The following POU6F1 variants were observed in gnomAD, a reference collection of about 807,000 sequenced individuals.
POU6F1 encodes the protein POU domain, class 6, transcription factor 1.
POU6F1 carries 9 observed loss-of-function variants against 28.9 expected under a neutral mutation model. That is an observed-to-expected ratio of 0.31 (90% CI 0.19 to 0.54). The LOEUF is 0.54. Ranked by LOEUF, POU6F1 falls within the 20% of genes least tolerant of loss-of-function variation. The pLI is 0.94. For synonymous variants in POU6F1, 173 were observed against 171.1 expected (o/e 1.01, Z -0.09); for missense variants, 338 against 426.1 (o/e 0.79, Z 1.82).
intron 3 of POU6F1, among the ~76,000 whole-genome samples, chr12:51,203,914 C>T (rs999821975): frequency 1.3e-5 from 2 of 152,176 alleles, no homozygotes; most frequent in Admixed American, 6.5e-5. Context: ...CTAAGCGGAG[C>T]GCTACCAGTC....
At position 51,187,676 on chromosome 12, in the gene POU6F1, T is replaced by C. The variant is rs1942110574; in HGVS notation, c.*2571A>G. On this transcript the variant is annotated 3_prime_UTR_variant, in exon 11 of 11. Transcript: ENST00000333640. ...TTCCAGCAGAGGAGAAATGGTTTAGTTTTAGCTCAGCTTTGGGAAGACAAA... is the reference window on the plus strand; with the variant it reads ...TTCCAGCAGAGGAGAAATGGTTTAGCTTTAGCTCAGCTTTGGGAAGACAAA... The C allele has an allele frequency of 6.6e-6, 1 of 152,184 alleles. No individual in the cohort carries two copies. Among genetic ancestry groups the C allele is most frequent in the Non-Finnish European group, 1.5e-5 (1 of 68,030 alleles). The allele number at this position is 152,184 out of a possible 1,614,324, so 9.4% of individuals were successfully genotyped here.
intron 3 of POU6F1, among the ~76,000 whole-genome samples, chr12:51,203,091 G>A (rs1015647278): frequency 7.2e-5 from 11 of 152,044 alleles, no homozygotes; most frequent in African/African-American, 2.2e-4. Context: ...AGGAGGAGGC[G>A]TTTGTGAAAG....
chr12:51,193,939 G>T (rs1180954255), intron 8 of POU6F1, among the ~76,000 whole-genome samples: 1 of 152,164 alleles, frequency 6.6e-6, no homozygotes, highest in East Asian at 1.9e-4. Context: ...CATCCCCAGG[G>T]CCTTTGACTT....
chr12:51,204,677 A>G (rs1440562702), intron 2 of POU6F1, among the ~76,000 whole-genome samples: 1 of 152,182 alleles, frequency 6.6e-6, no homozygotes, highest in Non-Finnish European at 1.5e-5. Context: ...TCTTGGACTC[A>G]GTGCAGGGAG....
intron 10 of POU6F1, among the ~76,000 whole-genome samples, chr12:51,191,281 T>G (rs538507201): frequency 4.8e-4 from 73 of 152,322 alleles, no homozygotes; most frequent in Middle Eastern, 3.4e-3. Context: ...AGTTCCCACT[T>G]TGGTGACTAA....
chr12:51,204,771 T>C (rs1467888776), intron 2 of POU6F1, among the ~76,000 whole-genome samples: 1 of 152,168 alleles, frequency 6.6e-6, no homozygotes, highest in African/African-American at 2.4e-5. Context: ...GCTCCTAACA[T>C]GGTATCCACA....
chr12:51,198,585 C>A lies in POU6F1; in HGVS notation c.557G>T (p.Gly186Val), dbSNP rs149344808. The A allele has an allele frequency of 2.5e-6, 1 of 399,228 alleles. No homozygotes were observed. The highest frequency in any genetic ancestry group is 4.4e-6 in the Non-Finnish European group (1 of 226,268). The allele number at this position is 399,228 out of a possible 1,614,324, so 24.7% of individuals were successfully genotyped here. A position where few individuals can be genotyped will look rare whatever the true frequency, so the allele number is the denominator to read the frequency against. ...LPGLTAASPTGGVFKPPLAGL... is the reference protein window; with the variant it reads ...LPGLTAASPTVGVFKPPLAGL... ...GGCTAAAGGTGGCTTGAACACTCCCCCCGTAGGAGAAGCAGCGGTCAGTCC... is the reference window on the plus strand; with the variant it reads ...GGCTAAAGGTGGCTTGAACACTCCCACCGTAGGAGAAGCAGCGGTCAGTCC... The change falls in exon 5 of 11, where the codon GGG becomes GTG. Residue 186 changes from glycine (G) to valine (V), a missense_variant. Gly to Val is a moderately radical substitution (Grantham distance 109). Coordinates refer to ENST00000333640, the MANE Select transcript of POU6F1 (RefSeq NM_001330422.2).
intron 1 of POU6F1, 182 bp from the exon 2 acceptor site, chr12:51,207,065 C>T (rs533240217): frequency 2.2e-5 from 7 of 324,486 alleles, no homozygotes; most frequent in African/African-American, 1.3e-4. Flanking sequence ...ACTCTGTCGC[C>T]CAGGCTGGAG....
Position 51,211,452 on chromosome 12 carries a change from C to T in POU6F1, c.-47-4569G>A, listed in dbSNP as rs114054783. Among the ~76,000 whole-genome samples, 1,221 of 152,248 alleles carry T rather than the reference C, an allele frequency of 8.0e-3. 20 individuals carry two copies. Among genetic ancestry groups the T allele is most frequent in the African/African-American group, 0.028 (1,158 of 41,530 alleles). On this transcript the variant is annotated intron_variant, in intron 1 of 10. Transcript: ENST00000333640. ...TGCTTTCCTTGCTAACATCTAAAAA[C>T]GCAGGCAGGGCTGGGCACAGTAGCT...
At chr12:51,208,083 G>A (rs982042815) in intron 1 of POU6F1, among the ~76,000 whole-genome samples, 2 of 151,262 alleles carry the variant, frequency 1.3e-5, no homozygotes, top group East Asian at 3.9e-4. Context: ...GACCAGCTTG[G>A]GCAACATAGT....
At chr12:51,203,223 A>G (rs1375485041) in intron 3 of POU6F1, among the ~76,000 whole-genome samples, 2 of 152,216 alleles carry the variant, frequency 1.3e-5, no homozygotes, top group African/African-American at 4.8e-5. Flanking sequence ...GCACCAGAGG[A>G]AATGAGATAT....
At chr12:51,207,646 G>A (rs1253003368) in intron 1 of POU6F1, 1 of 152,234 alleles carries the variant, frequency 6.6e-6, no homozygotes, top group Non-Finnish European at 1.5e-5. Context: ...AAAAATGTTA[G>A]TATTTATATC....
chr12:51,215,541 G>T (rs1372007139), intron 1 of POU6F1, among the ~76,000 whole-genome samples: 1 of 121,380 alleles, frequency 8.2e-6, no homozygotes, highest in Non-Finnish European at 1.6e-5. Flanking sequence ...GAGCGACAGA[G>T]TGAAACCCTG....
At chr12:51,208,802 T>C (rs561890475) in intron 1 of POU6F1, among the ~76,000 whole-genome samples, 311 of 152,156 alleles carry the variant, frequency 2.0e-3, no homozygotes, top group Non-Finnish European at 3.3e-3. Context: ...CTGAGCGTAG[T>C]GGTGCATACC....
chr12:51,204,691 C>T (rs1259384334), intron 2 of POU6F1, among the ~76,000 whole-genome samples: 1 of 152,148 alleles, frequency 6.6e-6, no homozygotes, highest in Non-Finnish European at 1.5e-5. Context: ...CAGGGAGCGG[C>T]GGATGGCCTA....
intron 6 of POU6F1, 39 bp downstream of exon 6, chr12:51,197,731 T>A (rs989733026): frequency 5.0e-6 from 2 of 398,658 alleles, no homozygotes; most frequent in African/African-American, 4.1e-5. Flanking sequence ...CATGATTCCG[T>A]CCATCCCTGG....
intron 6 of POU6F1, among the ~76,000 whole-genome samples, 175 bp downstream of exon 6, chr12:51,197,595 G>A (rs921725981): frequency 6.6e-6 from 1 of 152,190 alleles, no homozygotes; most frequent in Non-Finnish European, 1.5e-5. Context: ...TATCTGGGAT[G>A]GACGGGCTGG....
rs1436612863 is a variant in POU6F1 at position 51,217,302 on chromosome 12, G to A, written c.-48+340C>T. On this transcript the variant is annotated intron_variant, in intron 1 of 10. Transcript: ENST00000333640. This position sits in a 1 kb window ranked among gnomAD's most constrained non-coding sequence, Gnocchi z 5.3. ...GGTCCGCACCCCACAAGGGCTCCAGGGGCAGAAACGGGGAGGGGCCAGGTC... is the reference window on the plus strand; with the variant it reads ...GGTCCGCACCCCACAAGGGCTCCAGAGGCAGAAACGGGGAGGGGCCAGGTC... 6.6e-6 allele frequency among the ~76,000 whole-genome samples: 1 copy of A among 152,158 alleles called. No homozygotes were observed.
chr12:51,195,887 G>T, intron 8 of POU6F1, 83 bp downstream of exon 8: 2 of 1,419,128 alleles, frequency 1.4e-6, no homozygotes, highest in Non-Finnish European at 1.9e-6. Context: ...AGAAGATGCT[G>T]TCCTGCCTGG....
Sources: gnomAD v4.1 joint callset for allele counts (sites outside exome capture counted in the v4.1 genomes callset) on GRCh38, gnomAD v4.1.1 for gene constraint, Gnocchi (gnomAD v3.1) non-coding constraint, MANE v1.5 for transcripts, NCBI Gene and HGNC (gene_info 2026-07-23, HGNC 2026-07-21) for gene names.